Variants in DCDC2C observed in about 807,000 individuals in gnomAD.
DCDC2C encodes doublecortin domain containing 2C, also known as doublecortin domain-containing protein 2C.
DCDC2C carries 44 observed loss-of-function variants against 45.0 expected under a neutral mutation model. The ratio of observed to expected loss-of-function variants is 0.98; its 90% CI spans 0.77 to 1.26. The LOEUF is 1.26. DCDC2C is among the 50% of genes most tolerant of loss of function. The pLI, the probability that DCDC2C is intolerant of heterozygous loss-of-function variation, is 0.00. For synonymous variants in DCDC2C, 187 were observed against 178.8 expected, an observed-to-expected ratio of 1.05 and a Z score of -0.37; for missense variants, 447 against 468.9, an observed-to-expected ratio of 0.95 and a Z score of 0.43.
Position 3,847,147 on chromosome 2 carries a change from C to T in DCDC2C, c.1066-7C>T. On this transcript the variant is annotated splice_polypyrimidine_tract_variant and splice_region_variant and intron_variant, in intron 10 of 10. Coordinates refer to ENST00000399143, the MANE Select transcript of DCDC2C (RefSeq NM_001287444.2). ...TCTCTGTTAACCTGCTTTTCTATGT[C>T]TTCCAGATGGCCCGGGAGTGGAAAC... is the stretch of plus-strand genomic sequence containing the variant. The T allele has an allele frequency of 8.1e-7, 1 of 1,231,552 alleles. No individual in the cohort carries two copies. The highest frequency in any genetic ancestry group is 1.0e-6 in the Non-Finnish European group (1 of 987,850). The allele number at this position is 1,231,552 out of a possible 1,614,324, so 76.3% of individuals were successfully genotyped here. A position where few individuals can be genotyped will look rare whatever the true frequency, so the allele number is the denominator to read the frequency against.
At chr2:3,810,420 AC>A (rs1671366740) in intron 10 of DCDC2C, among the ~76,000 whole-genome samples, 1 of 152,052 alleles carries the variant, frequency 6.6e-6, no homozygotes, top group Admixed American at 6.6e-5. Flanking sequence ...ATCTTTTACC[AC>A]TTTTTGATGG....
chr2:3,719,500 T>C (rs1465028673), intron 2 of DCDC2C, among the ~76,000 whole-genome samples: 1 of 152,210 alleles, frequency 6.6e-6, no homozygotes, highest in Non-Finnish European at 1.5e-5. Flanking sequence ...TTCTCTTTCC[T>C]GCCTTTTCTA....
At chr2:3,800,043 G>A (rs574778909) in intron 10 of DCDC2C, among the ~76,000 whole-genome samples, 3 of 152,338 alleles carry the variant, frequency 2.0e-5, no homozygotes, top group East Asian at 3.9e-4. Context: ...AGGACCCTCC[G>A]AGCCAGGTGC....
intron 8 of DCDC2C, among the ~76,000 whole-genome samples, chr2:3,774,906 C>T (rs1237438710): frequency 2.0e-5 from 3 of 152,046 alleles, no homozygotes; most frequent in South Asian, 2.1e-4. Flanking sequence ...GCTGGAATTA[C>T]AGGCATGCAC....
At chr2:3,714,158 G>T (rs1188975825) in intron 2 of DCDC2C, among the ~76,000 whole-genome samples, 1 of 152,134 alleles carries the variant, frequency 6.6e-6, no homozygotes, top group East Asian at 1.9e-4. Flanking sequence ...AAGAGATTTT[G>T]ATTTATGTAG....
intron 10 of DCDC2C, among the ~76,000 whole-genome samples, chr2:3,792,227 G>T (rs1670830203): frequency 6.6e-6 from 1 of 152,190 alleles, no homozygotes; most frequent in Admixed American, 6.5e-5. Context: ...CGCCTAAGCA[G>T]CAGGAATAGG....
intron 5 of DCDC2C, among the ~76,000 whole-genome samples, chr2:3,753,355 G>A (rs979658090): frequency 6.6e-6 from 1 of 152,242 alleles, no homozygotes; most frequent in African/African-American, 2.4e-5. Context: ...GCATGGCTAT[G>A]CGGGTGCCAC....
intron 10 of DCDC2C, among the ~76,000 whole-genome samples, chr2:3,799,411 G>A (rs1671047978): frequency 6.6e-6 from 1 of 152,244 alleles, no homozygotes; most frequent in African/African-American, 2.4e-5. Flanking sequence ...TTGCTGGTGA[G>A]GAACTGCGTT....
At chr2:3,846,204 C>T (rs531798056) in intron 10 of DCDC2C, among the ~76,000 whole-genome samples, 16 of 151,878 alleles carry the variant, frequency 1.1e-4, no homozygotes, top group African/African-American at 2.7e-4. Context: ...TCCCCACCCC[C>T]GTCCTCCTGT....
intron 4 of DCDC2C, among the ~76,000 whole-genome samples, chr2:3,749,553 C>T (rs909840418): frequency 6.6e-6 from 1 of 152,210 alleles, no homozygotes; most frequent in Non-Finnish European, 1.5e-5. Context: ...ATTTCTACTT[C>T]CCTTCACCCT....
chr2:3,721,874 T>G (rs1558562716), intron 2 of DCDC2C, among the ~76,000 whole-genome samples: 1 of 152,202 alleles, frequency 6.6e-6, no homozygotes, highest in Non-Finnish European at 1.5e-5. Flanking sequence ...TTGCTCCTCT[T>G]TTGCCTTCCT....
intron 4 of DCDC2C, among the ~76,000 whole-genome samples, chr2:3,750,414 C>T (rs571599110): frequency 1.3e-5 from 2 of 152,236 alleles, no homozygotes; most frequent in East Asian, 3.9e-4. Flanking sequence ...TTAACCACGT[C>T]CTCTAAAAAT....
chr2:3,759,253 T>C (rs141408646), intron 6 of DCDC2C, among the ~76,000 whole-genome samples: 1 of 152,216 alleles, frequency 6.6e-6, no homozygotes, highest in East Asian at 1.9e-4. Context: ...GGTATTCAGG[T>C]GATTTGTTTC....
intron 10 of DCDC2C, among the ~76,000 whole-genome samples, chr2:3,816,497 C>A (rs1671562484): frequency 1.3e-5 from 2 of 152,102 alleles, no homozygotes; most frequent in Admixed American, 6.6e-5. Flanking sequence ...AAGAGAAATG[C>A]AAAGCCAGCC....
chr2:3,708,610 T>C lies in DCDC2C; in HGVS notation c.339+10T>C, dbSNP rs548599669. On this transcript the variant is annotated intron_variant, in intron 2 of 10. Transcript: ENST00000399143. The stretch of plus-strand genomic sequence containing the variant: ...AAGGAAGTTGAAGGAAGTAAGTGTT[T>C]GCTTCTAACAACTAATAATGGAATA... 6.8e-4 allele frequency: 1,046 copies of C among 1,546,916 alleles called. 5 individuals carry two copies. Among genetic ancestry groups the C allele is most frequent in the Admixed American group, 1.6e-3 (83 of 50,804 alleles).
At chr2:3,717,265 T>C (rs1330824523) in intron 2 of DCDC2C, among the ~76,000 whole-genome samples, 1 of 152,182 alleles carries the variant, frequency 6.6e-6, no homozygotes, top group African/African-American at 2.4e-5. Flanking sequence ...TCTAGGACTC[T>C]GTCACTTGGA....
chr2:3,737,905 T>G (rs1669076886), intron 3 of DCDC2C, among the ~76,000 whole-genome samples: 1 of 152,180 alleles, frequency 6.6e-6, no homozygotes, highest in Non-Finnish European at 1.5e-5. Flanking sequence ...AAAAATTAAG[T>G]AGCAACACAG....
At chr2:3,731,219 C>T (rs1197616306) in intron 3 of DCDC2C, among the ~76,000 whole-genome samples, 2 of 152,148 alleles carry the variant, frequency 1.3e-5, no homozygotes, top group African/African-American at 2.4e-5. Flanking sequence ...CAGGCTGGCT[C>T]CAGGCAGCAG....
In DCDC2C at chr2:3,729,201, T is replaced by A. The variant is rs1292394736; in HGVS notation, c.416+2122T>A. Among the ~76,000 whole-genome samples the A allele has an allele frequency of 1.3e-5, 2 of 152,128 alleles. 1 individual carries two copies. The highest frequency in any genetic ancestry group is 4.1e-4 in the South Asian group (2 of 4,820). On this transcript the variant is annotated intron_variant, in intron 3 of 10. Transcript: ENST00000399143. ...TGTCTGGGCCCTGGAGTGGTTTTACTTGGGGACTCCCTGCCCTTTACAGGG... is the reference window on the plus strand; with the variant it reads ...TGTCTGGGCCCTGGAGTGGTTTTACATGGGGACTCCCTGCCCTTTACAGGG...
Sources: allele counts gnomAD v4.1 joint callset (sites outside exome capture counted in the v4.1 genomes callset), GRCh38; gene constraint gnomAD v4.1.1; transcripts MANE v1.5; gene names NCBI Gene and HGNC (gene_info 2026-07-23, HGNC 2026-07-21).